The following SGSM1 variants were observed in gnomAD, a reference collection of about 807,000 sequenced individuals.
SGSM1 encodes the protein small G protein signaling modulator 1.
A neutral mutation model predicts 133.8 loss-of-function variants in SGSM1; 73 were observed. The observed-to-expected ratio is 0.55, with a 90% CI of 0.45 to 0.66. The LOEUF (loss-of-function observed/expected upper bound fraction) is 0.66. SGSM1 is among the 30% of genes least tolerant of loss of function. SGSM1 has a pLI of 0.00. For synonymous variants in SGSM1, 563 were observed against 573.0 expected (o/e 0.98, Z 0.25); for missense variants, 1,213 against 1,448.1 (o/e 0.84, Z 2.64).
chr22:24,856,664 C>A (rs139685), intron 8 of SGSM1, among the ~76,000 whole-genome samples: 18,724 of 152,156 alleles, frequency 0.12, 1,851 homozygotes, highest in African/African-American at 0.27. Context: ...GACTTTGAGC[C>A]AGTCACTTTT....
At chr22:24,807,198 A>T (rs1324034321) in intron 2 of SGSM1, among the ~76,000 whole-genome samples, 3 of 152,130 alleles carry the variant, frequency 2.0e-5, no homozygotes, top group African/African-American at 7.2e-5. Flanking sequence ...ATGACCTCCC[A>T]GAACCCCATA....
intron 4 of SGSM1, among the ~76,000 whole-genome samples, chr22:24,849,063 G>T (rs73408937): frequency 0.012 from 1,760 of 152,328 alleles, 37 homozygotes; most frequent in African/African-American, 0.039. Context: ...TGACCTCCTA[G>T]TGGAGGAGTT....
In SGSM1 at chr22:24,920,674, G is replaced by GA. The variant is rs150178276; in HGVS notation, c.3193+688dup. Among the ~76,000 whole-genome samples, 1,063 of 144,058 alleles carry GA rather than the reference G, an allele frequency of 7.4e-3. 13 individuals are homozygous for GA. Among genetic ancestry groups the GA allele is most frequent in the African/African-American group, 0.024 (1,009 of 41,194 alleles). The allele number at this position is 144,058 out of a possible 152,430, so 94.5% of individuals were successfully genotyped here. On this transcript the variant is annotated intron_variant, in intron 24 of 24. Transcript: ENST00000400358. Reference sequence around the variant, plus strand: ...ATGTTTTTAATGAAAGAAAGTTCTGGAAAAAAACAAAAGAAAAAAGCCAAC... The same window carrying GA: ...ATGTTTTTAATGAAAGAAAGTTCTGGAAAAAAAACAAAAGAAAAAAGCCAAC...
intron 23 of SGSM1, among the ~76,000 whole-genome samples, chr22:24,918,020 G>A (rs944573692): frequency 9.2e-5 from 14 of 152,094 alleles, no homozygotes; most frequent in African/African-American, 2.9e-4. Flanking sequence ...TTAACTTCAG[G>A]GCTAGGGTGA....
At position 24,919,924 on chromosome 22, in the gene SGSM1, G is replaced by A. The variant is rs1933948079; in HGVS notation, c.3124G>A (p.Val1042Met). The change falls in exon 24 of 25, where the codon GTG (valine) becomes ATG (methionine). Residue 1042 changes from valine (V) to methionine (M), a missense_variant. Physicochemically the swap from Val to Met is conservative, Grantham distance 21. Transcript: ENST00000400358. ...HYVLFIALAL[V>M]EVYRDIILEN... ...CGTCCTGTTCATTGCGCTGGCTCTG[G>A]TGGAAGTCTACCGTGACATCATTTT... The A allele has an allele frequency of 6.2e-7, 1 of 1,613,960 alleles. No homozygotes were observed. The highest frequency in any genetic ancestry group is 1.7e-5 in the Admixed American group (1 of 60,006).
intron 2 of SGSM1, among the ~76,000 whole-genome samples, chr22:24,817,698 A>G (rs1928185015): frequency 7.2e-6 from 1 of 138,530 alleles, no homozygotes; most frequent in Non-Finnish European, 1.6e-5. Flanking sequence ...TCCACAACCC[A>G]AATACCCAAG....
intron 4 of SGSM1, among the ~76,000 whole-genome samples, chr22:24,848,234 T>C (rs1930266194): frequency 6.6e-6 from 1 of 151,310 alleles, no homozygotes; most frequent in Non-Finnish European, 1.5e-5. Flanking sequence ...TCCGGGCCAG[T>C]GTCTAGCACC....
intron 24 of SGSM1, among the ~76,000 whole-genome samples, chr22:24,922,268 C>T (rs569846926): frequency 1.3e-5 from 2 of 150,658 alleles, no homozygotes; most frequent in South Asian, 4.2e-4. Flanking sequence ...GCAAGCTCCA[C>T]CTGTGGGATT....
intron 24 of SGSM1, among the ~76,000 whole-genome samples, chr22:24,920,226 G>A (rs1933958138): frequency 6.6e-6 from 1 of 152,150 alleles, no homozygotes; most frequent in Non-Finnish European, 1.5e-5. Flanking sequence ...AATCAGCTCA[G>A]GGGCAAAGTC....
At chr22:24,810,709 C>G (rs990193965) in intron 2 of SGSM1, among the ~76,000 whole-genome samples, 1 of 152,096 alleles carries the variant, frequency 6.6e-6, no homozygotes, top group Non-Finnish European at 1.5e-5. Flanking sequence ...GGAGATGAGG[C>G]AGGTCCTGGA....
intron 12 of SGSM1, among the ~76,000 whole-genome samples, chr22:24,876,251 C>A (rs1396110363): frequency 6.6e-6 from 1 of 152,206 alleles, no homozygotes; most frequent in South Asian, 2.1e-4. Context: ...CCTGCAGCAT[C>A]CTGTGAGCAT....
intron 2 of SGSM1, among the ~76,000 whole-genome samples, chr22:24,815,602 G>A (rs150527291): frequency 1.2e-3 from 182 of 152,186 alleles, no homozygotes; most frequent in African/African-American, 4.0e-3. Context: ...AAAATTAGCC[G>A]GGCGTGGTGG....
At chr22:24,849,747 G>A (rs1276554328) in intron 4 of SGSM1, among the ~76,000 whole-genome samples, 1 of 152,220 alleles carries the variant, frequency 6.6e-6, no homozygotes, top group Non-Finnish European at 1.5e-5. Flanking sequence ...AGAGGGATCA[G>A]CCTGGGAATG....
intron 9 of SGSM1, among the ~76,000 whole-genome samples, chr22:24,862,532 C>T (rs1931214100): frequency 6.6e-6 from 1 of 152,160 alleles, no homozygotes; most frequent in Non-Finnish European, 1.5e-5. Flanking sequence ...GCACCTGCCA[C>T]AGGTTGTAGT....
At chr22:24,854,776 A>G (rs1930670318) in intron 5 of SGSM1, among the ~76,000 whole-genome samples, 1 of 152,146 alleles carries the variant, frequency 6.6e-6, no homozygotes, top group Non-Finnish European at 1.5e-5. Context: ...TGATTGTACC[A>G]CTGCACTCCA....
intron 9 of SGSM1, among the ~76,000 whole-genome samples, chr22:24,863,653 A>G (rs1452714577): frequency 6.6e-6 from 1 of 151,790 alleles, no homozygotes; most frequent in Non-Finnish European, 1.5e-5. Context: ...GGTTTGCCCC[A>G]GGAGCTCCAG....
intron 2 of SGSM1, among the ~76,000 whole-genome samples, chr22:24,834,074 G>T (rs1046713756): frequency 6.6e-6 from 1 of 152,278 alleles, no homozygotes; most frequent in African/African-American, 2.4e-5. Context: ...ACACAGGCAG[G>T]TGGCCGCGCT....
chr22:24,861,514 C>T (rs1372743026), intron 9 of SGSM1, among the ~76,000 whole-genome samples: 1 of 151,682 alleles, frequency 6.6e-6, no homozygotes, highest in African/African-American at 2.4e-5. Flanking sequence ...TCTTTTTAAA[C>T]ATTTTAATTT....
intron 22 of SGSM1, among the ~76,000 whole-genome samples, chr22:24,913,442 AT>A (rs1933708817): frequency 6.6e-6 from 1 of 152,186 alleles, no homozygotes. Flanking sequence ...TTTGAGAAGT[AT>A]TGTAATAAAT....
Sources: gnomAD v4.1 joint callset for allele counts (sites outside exome capture counted in the v4.1 genomes callset) on GRCh38, gnomAD v4.1.1 for gene constraint, MANE v1.5 for transcripts, NCBI Gene and HGNC (gene_info 2026-07-23, HGNC 2026-07-21) for gene names.